The following RTN1 variants were observed in gnomAD, a reference collection of about 807,000 sequenced individuals.
RTN1 encodes the protein reticulon-1.
In RTN1, 25 loss-of-function variants were observed where a neutral mutation model predicts 65.5. The observed-to-expected ratio is 0.38, with a 90% CI of 0.28 to 0.53. RTN1 has a LOEUF of 0.53. Among genes scored for constraint, RTN1 ranks in the 20% least tolerant of loss-of-function variants. RTN1 has a pLI of 0.79. For synonymous variants in RTN1, 471 were observed against 447.6 expected (o/e 1.05, Z -0.66); for missense variants, 983 against 1,025.4 (o/e 0.96, Z 0.57).
chr14:59,782,508 G>A (rs1886175241), intron 1 of RTN1, among the ~76,000 whole-genome samples: 1 of 152,102 alleles, frequency 6.6e-6, no homozygotes, highest in Non-Finnish European at 1.5e-5. Flanking sequence ...GGTTGACAAC[G>A]CCTGAAACAT....
chr14:59,771,232 G>T (rs1885952333), intron 1 of RTN1, among the ~76,000 whole-genome samples: 1 of 152,120 alleles, frequency 6.6e-6, no homozygotes, highest in Non-Finnish European at 1.5e-5. Context: ...AAAACAGTTA[G>T]ATCAGACCAA....
At chr14:59,855,816 G>C (rs1452033071) in intron 1 of RTN1, among the ~76,000 whole-genome samples, 1 of 152,172 alleles carries the variant, frequency 6.6e-6, no homozygotes, top group Non-Finnish European at 1.5e-5. Context: ...CCTTACTAGT[G>C]CTGGGTGTCT....
intron 3 of RTN1, among the ~76,000 whole-genome samples, chr14:59,641,226 C>G (rs1882774387): frequency 1.3e-5 from 2 of 152,262 alleles, no homozygotes; most frequent in South Asian, 4.1e-4. Flanking sequence ...CCTTGGCCTC[C>G]CAAGTGTTAG....
In RTN1 at chr14:59,606,541, G is replaced by A. The variant is rs140674218; in HGVS notation, c.1973+744C>T. On this transcript the variant is annotated intron_variant, in intron 4 of 8. Coordinates refer to ENST00000267484, the MANE Select transcript of RTN1 (RefSeq NM_021136.3). ...GGACACAGTGAGGAGCTGGCAATCT[G>A]CAACCCAGGCAAGGGCCCTCAACAG... 4.1e-3 allele frequency among the ~76,000 whole-genome samples: 617 copies of A among 152,262 alleles called. 2 individuals carry two copies. Among genetic ancestry groups the A allele is most frequent in the African/African-American group, 0.014 (584 of 41,544 alleles).
In RTN1 at chr14:59,754,301, T is replaced by C. The variant is rs576608344; in HGVS notation, c.242-7820A>G. ...TCAGTAATCTCATAAAGGGTAGGTGTTTTATTTTATTTTAAAAATTCTCTG... is the reference window on the plus strand; with the variant it reads ...TCAGTAATCTCATAAAGGGTAGGTGCTTTATTTTATTTTAAAAATTCTCTG... On this transcript the variant is annotated intron_variant, in intron 1 of 8. Transcript: ENST00000267484. Among the ~76,000 whole-genome samples, 86 of 152,276 alleles carry C rather than the reference T, an allele frequency of 5.6e-4. 1 individual carries two copies. In the South Asian group the frequency reaches 0.014, roughly 25 times the overall value.
chr14:59,668,685 A>C (rs1349724456), intron 3 of RTN1, among the ~76,000 whole-genome samples: 1 of 152,208 alleles, frequency 6.6e-6, no homozygotes, highest in Non-Finnish European at 1.5e-5. Context: ...AATCGGAGAA[A>C]ATTTTTGCAA....
chr14:59,733,693 G>A (rs1213229699), intron 2 of RTN1, among the ~76,000 whole-genome samples: 2 of 152,224 alleles, frequency 1.3e-5, no homozygotes, highest in Non-Finnish European at 2.9e-5. Context: ...TTGCAGGGGG[G>A]TCCTCCCAGC....
At chr14:59,666,658 G>GT (rs1340587266) in intron 3 of RTN1, among the ~76,000 whole-genome samples, 2 of 151,948 alleles carry the variant, frequency 1.3e-5, no homozygotes, top group Non-Finnish European at 2.9e-5. Context: ...CCAGGAGATG[G>GT]TTTTTTCAAA....
At chr14:59,647,663 A>G (rs1882929949) in intron 3 of RTN1, among the ~76,000 whole-genome samples, 1 of 151,898 alleles carries the variant, frequency 6.6e-6, no homozygotes, top group Non-Finnish European at 1.5e-5. Flanking sequence ...CATGGAAATT[A>G]AACAACCTGC....
rs936128267 is a variant in RTN1 at position 59,847,011 on chromosome 14, C to T, written c.241+23379G>A. 1.2e-4 allele frequency among the ~76,000 whole-genome samples: 18 copies of T among 152,312 alleles called. 1 individual carries two copies. The highest frequency in any genetic ancestry group is 8.5e-4 in the Admixed American group (13 of 15,298). ...GAAAAAGTCAAAAAGGGAGAAATAA[C>T]AGTTTTAAGTGGTGCTGTCCCTCTC... On this transcript the variant is annotated intron_variant, in intron 1 of 8. Coordinates refer to ENST00000267484, the MANE Select transcript of RTN1 (RefSeq NM_021136.3).
In RTN1 at chr14:59,618,133, A is replaced by G. The variant is rs1213859152; in HGVS notation, c.1766-10641T>C. Among the ~76,000 whole-genome samples, 3 of 152,248 alleles carry G rather than the reference A, an allele frequency of 2.0e-5. No homozygotes were observed. The East Asian group carries it at 5.8e-4, about 29-fold the overall frequency. On this transcript the variant is annotated intron_variant, in intron 3 of 8. Transcript: ENST00000267484. The stretch of plus-strand genomic sequence containing the variant: ...ACTAACTTTGGAAGAAACTTAGTTC[A>G]TAATTTAAACAAAGACAGTAACAGC...
At chr14:59,652,306 T>C (rs760968019) in intron 3 of RTN1, among the ~76,000 whole-genome samples, 11 of 152,226 alleles carry the variant, frequency 7.2e-5, no homozygotes, top group Non-Finnish European at 1.2e-4. Context: ...AACTACCACT[T>C]GACCCAGCAA....
Position 59,777,798 on chromosome 14 carries a change from AAAC to A in RTN1, c.242-31320_242-31318del, listed in dbSNP as rs778447347. On this transcript the variant is annotated intron_variant, in intron 1 of 8. Transcript: ENST00000267484. ...TCAAAAACGGAAGCAAGTCAAGACAAAACAACAACAACAACAACAACAACAAAA... is the reference window on the plus strand; with the variant it reads ...TCAAAAACGGAAGCAAGTCAAGACAAAACAACAACAACAACAACAACAAAA... Among the ~76,000 whole-genome samples the A allele has an allele frequency of 2.0e-3, 298 of 150,060 alleles. 5 individuals are homozygous for A. In the East Asian group the frequency reaches 0.049, roughly 24 times the overall value.
intron 1 of RTN1, among the ~76,000 whole-genome samples, chr14:59,854,696 C>T (rs1334518459): frequency 6.8e-6 from 1 of 146,356 alleles, no homozygotes; most frequent in African/African-American, 2.5e-5. Context: ...CTAAAATAGG[C>T]AACAGAGTGA....
At chr14:59,737,124 T>C (rs193077617) in intron 2 of RTN1, among the ~76,000 whole-genome samples, 159 of 152,268 alleles carry the variant, frequency 1.0e-3, no homozygotes, top group Admixed American at 2.0e-3. Flanking sequence ...ATGCCCTCTC[T>C]CACCACTCCT....
chr14:59,660,932 C>T (rs10140905), intron 3 of RTN1, among the ~76,000 whole-genome samples: 64,109 of 151,554 alleles, frequency 0.42, 14,453 homozygotes, highest in African/African-American at 0.57. Flanking sequence ...CTTCAAAAAA[C>T]CAAAGAATCC....
chr14:59,806,667 C>A (rs1006754206), intron 1 of RTN1, among the ~76,000 whole-genome samples: 2 of 152,164 alleles, frequency 1.3e-5, no homozygotes, highest in Non-Finnish European at 2.9e-5. Flanking sequence ...CTCCATGTGT[C>A]CATGTGTTCT....
At position 59,786,946 on chromosome 14, in the gene RTN1, T is replaced by C. The variant is rs142014084; in HGVS notation, c.242-40465A>G. Among the ~76,000 whole-genome samples the C allele has an allele frequency of 6.1e-3, 924 of 152,262 alleles. 11 individuals carry two copies. The highest frequency in any genetic ancestry group is 0.021 in the African/African-American group (872 of 41,536). ...AAGTACCAAAAGTAGTCCTAATGAT[T>C]ATAAAATTAAGCAATCAGAAATTAT... On this transcript the variant is annotated intron_variant, in intron 1 of 8. Coordinates refer to ENST00000267484, the MANE Select transcript of RTN1 (RefSeq NM_021136.3).
chr14:59,777,736 AC>A (rs1216926428), intron 1 of RTN1, among the ~76,000 whole-genome samples: 1 of 151,990 alleles, frequency 6.6e-6, no homozygotes, highest in Non-Finnish European at 1.5e-5. Flanking sequence ...AAATATAATA[AC>A]CTTTTCCCCT....
Sources: allele counts gnomAD v4.1 joint callset (sites outside exome capture counted in the v4.1 genomes callset), GRCh38; gene constraint gnomAD v4.1.1; transcripts MANE v1.5; gene names NCBI Gene and HGNC (gene_info 2026-07-23, HGNC 2026-07-21).